DENND1A: variants seen among roughly 807,000 people sequenced by gnomAD.
DENND1A encodes the protein DENN domain containing 1A.
A neutral mutation model predicts 113.7 loss-of-function variants in DENND1A; 51 were observed. The ratio of observed to expected loss-of-function variants is 0.45; its 90% CI spans 0.36 to 0.57. The LOEUF is 0.57. DENND1A is among the 20% of genes least tolerant of loss of function. DENND1A has a pLI of 0.00. For synonymous variants in DENND1A, 565 were observed against 570.8 expected (o/e 0.99, Z 0.14); for missense variants, 1,258 against 1,395.9 (o/e 0.90, Z 1.57).
intron 2 of DENND1A, among the ~76,000 whole-genome samples, chr9:123,813,983 A>G (rs150591667): frequency 6.6e-6 from 1 of 152,322 alleles, no homozygotes; most frequent in East Asian, 1.9e-4. Flanking sequence ...TTTGATTGTG[A>G]TATTCTTGCA....
chr9:123,909,310 G>A (rs375035195), intron 1 of DENND1A, among the ~76,000 whole-genome samples: 5 of 148,500 alleles, frequency 3.4e-5, no homozygotes, highest in Admixed American at 6.8e-5. Context: ...TAACTAACCC[G>A]CACAATGTGC....
At chr9:123,664,534 G>A (rs1259947900) in intron 8 of DENND1A, among the ~76,000 whole-genome samples, 1 of 151,310 alleles carries the variant, frequency 6.6e-6, no homozygotes, top group Non-Finnish European at 1.5e-5. Flanking sequence ...TGAAAGTCAA[G>A]TTCATTGTTT....
intron 19 of DENND1A, chr9:123,413,794 G>C (rs1187389183): frequency 1.0e-6 from 1 of 985,312 alleles, no homozygotes; most frequent in Non-Finnish European, 1.2e-6. Flanking sequence ...CCCCTTCCTG[G>C]CTTACAGGAA....
chr9:123,870,699 T>C (rs1846453231), intron 2 of DENND1A, among the ~76,000 whole-genome samples: 1 of 152,084 alleles, frequency 6.6e-6, no homozygotes, highest in South Asian at 2.1e-4. Flanking sequence ...CCTCCCAAAG[T>C]GCTGGGATTA....
chr9:123,929,593 A>G (rs1857662786), intron 1 of DENND1A, among the ~76,000 whole-genome samples: 1 of 151,886 alleles, frequency 6.6e-6, no homozygotes, highest in African/African-American at 2.4e-5. Flanking sequence ...TTGAAGGACC[A>G]TTTTCAGGGG....
chr9:123,856,006 C>T (rs1231243662), intron 2 of DENND1A, among the ~76,000 whole-genome samples: 1 of 152,116 alleles, frequency 6.6e-6, no homozygotes, highest in African/African-American at 2.4e-5. Context: ...CATTGCACTC[C>T]AGCCTGGGCA....
At chr9:123,486,490 G>C in intron 13 of DENND1A, among the ~76,000 whole-genome samples, 1 of 152,058 alleles carries the variant, frequency 6.6e-6, no homozygotes, top group Admixed American at 6.5e-5. Context: ...TGGGAGGCCA[G>C]GAAGGAAGCA....
intron 11 of DENND1A, among the ~76,000 whole-genome samples, chr9:123,605,572 T>C (rs2060117984): frequency 6.6e-6 from 1 of 152,176 alleles, no homozygotes; most frequent in Non-Finnish European, 1.5e-5. Context: ...AGCCTCAGAT[T>C]GCTTAAATGA....
At chr9:123,756,529 A>G (rs1375328888) in intron 5 of DENND1A, among the ~76,000 whole-genome samples, 2 of 152,284 alleles carry the variant, frequency 1.3e-5, no homozygotes, top group East Asian at 3.9e-4. Flanking sequence ...TCCTTCCTAA[A>G]GCCTCCCCAG....
chr9:123,729,679 C>T (rs2068011623), intron 5 of DENND1A, among the ~76,000 whole-genome samples: 1 of 152,210 alleles, frequency 6.6e-6, no homozygotes, highest in African/African-American at 2.4e-5. Flanking sequence ...AATAGCCATA[C>T]TGCCCAGAGT....
chr9:123,402,440 G>T (rs2043558853), intron 21 of DENND1A: 16 of 511,844 alleles, frequency 3.1e-5, no homozygotes, highest in Middle Eastern at 3.3e-4. Flanking sequence ...TTTCCTTCTT[G>T]CTCCAACTCT....
chr9:123,594,413 G>A (rs889072489), intron 11 of DENND1A, among the ~76,000 whole-genome samples: 2 of 152,046 alleles, frequency 1.3e-5, no homozygotes, highest in African/African-American at 4.8e-5. Flanking sequence ...ATAACTCGTC[G>A]GAAATCACAT....
intron 13 of DENND1A, among the ~76,000 whole-genome samples, chr9:123,539,913 A>G (rs2056155075): frequency 6.6e-6 from 1 of 151,822 alleles, no homozygotes; most frequent in African/African-American, 2.4e-5. Flanking sequence ...TCATTACATC[A>G]TCCACTTGAT....
At chr9:123,786,103 C>G (rs1267334171) in intron 3 of DENND1A, among the ~76,000 whole-genome samples, 2 of 151,912 alleles carry the variant, frequency 1.3e-5, no homozygotes, top group African/African-American at 2.4e-5. Context: ...ATTCCAGCTA[C>G]TCGGGAGGCT....
intron 12 of DENND1A, among the ~76,000 whole-genome samples, chr9:123,562,030 C>T (rs1157831561): frequency 6.6e-6 from 1 of 152,158 alleles, no homozygotes; most frequent in African/African-American, 2.4e-5. Context: ...CTTCTTCTGC[C>T]TTCAGTTTCT....
chr9:123,444,602 C>G (rs1208504195), intron 18 of DENND1A, among the ~76,000 whole-genome samples: 1 of 151,964 alleles, frequency 6.6e-6, no homozygotes. Flanking sequence ...TGCAGTGAGC[C>G]GAGACTGCGC....
At chr9:123,402,458 AC>A in intron 21 of DENND1A, 1 of 532,166 alleles carries the variant, frequency 1.9e-6, no homozygotes, top group South Asian at 1.4e-5. Context: ...TCTGACTGGG[AC>A]CTGCCATGTC....
intron 2 of DENND1A, among the ~76,000 whole-genome samples, chr9:123,793,095 A>C (rs1410939909): frequency 6.6e-6 from 1 of 152,212 alleles, no homozygotes; most frequent in Non-Finnish European, 1.5e-5. Context: ...TCGCTTTAAT[A>C]AATGAAATAT....
chr9:123,886,460 C>A (rs1037887774), intron 1 of DENND1A, among the ~76,000 whole-genome samples: 1 of 152,150 alleles, frequency 6.6e-6, no homozygotes, highest in African/African-American at 2.4e-5. Context: ...CCAGCTTCAG[C>A]GCAGTGTTTC....
Sources: gnomAD v4.1 joint callset for allele counts (sites outside exome capture counted in the v4.1 genomes callset) on GRCh38, gnomAD v4.1.1 for gene constraint, MANE v1.5 for transcripts, NCBI Gene and HGNC (gene_info 2026-07-23, HGNC 2026-07-21) for gene names.